The following ZC3H15 variants were observed in gnomAD, a reference collection of about 807,000 sequenced individuals.
ZC3H15 encodes the protein zinc finger CCCH-type containing 15.
In ZC3H15, 15 loss-of-function variants were observed where a neutral mutation model predicts 51.2. The observed-to-expected ratio is 0.29, with a 90% confidence interval of 0.20 to 0.45. The LOEUF (loss-of-function observed/expected upper bound fraction) is 0.45. ZC3H15 is among the 20% of genes least tolerant of loss of function. The probability of loss-of-function intolerance (pLI) is 1.00; values close to 1 mark genes in which losing one functional copy is unlikely to be tolerated. For synonymous variants in ZC3H15, 144 were observed against 162.8 expected, an observed-to-expected ratio of 0.88 and a Z score of 0.88; for missense variants, 381 against 494.7, an observed-to-expected ratio of 0.77 and a Z score of 2.18.
intron 1 of ZC3H15, among the ~76,000 whole-genome samples, chr2:186,491,005 T>C (rs1036855032): frequency 8.5e-5 from 13 of 152,204 alleles, no homozygotes; most frequent in Admixed American, 6.5e-5. Context: ...TTTTCTACCT[T>C]GTAATTCAGG....
At chr2:186,499,485 T>C (rs1685341538) in intron 2 of ZC3H15, 3 of 406,596 alleles carry the variant, frequency 7.4e-6, no homozygotes, top group Non-Finnish European at 9.6e-6. Flanking sequence ...TTCTCAGGTA[T>C]ATGGGCATTC....
At chr2:186,500,595 T>C (rs78584352) in intron 3 of ZC3H15, 31,915 of 526,712 alleles carry the variant, frequency 0.061, 1,269 homozygotes, top group Middle Eastern at 0.083. Context: ...AAAGCCATAG[T>C]TGAATAAACT....
chr2:186,508,792 T>C lies in ZC3H15; in HGVS notation c.*59T>C, dbSNP rs1685508636. On this transcript the variant is annotated 3_prime_UTR_variant, in exon 10 of 10. Coordinates refer to ENST00000337859, the MANE Select transcript of ZC3H15 (RefSeq NM_018471.3). ...TCAGCACGAGTTGAAATTGACTACA[T>C]TAATTTCTTTCCACCTAGAATCAAC... The C allele has an allele frequency of 1.8e-5, 27 of 1,541,482 alleles. No homozygotes were observed. The highest frequency in any genetic ancestry group is 5.3e-5 in the Admixed American group (3 of 56,978).
At chr2:186,507,777 C>T (rs920918298) in intron 9 of ZC3H15, among the ~76,000 whole-genome samples, 1 of 152,204 alleles carries the variant, frequency 6.6e-6, no homozygotes, top group Non-Finnish European at 1.5e-5. Context: ...CTCCCAAGAT[C>T]TGAGAGTGTT....
intron 4 of ZC3H15, 85 bp from the exon 5 acceptor site, chr2:186,502,411 T>C: frequency 3.4e-6 from 4 of 1,169,954 alleles, no homozygotes; most frequent in Non-Finnish European, 3.6e-6. Context: ...ATGAGTCTTA[T>C]AACACAGCAT....
At chr2:186,499,673 C>T (rs561293775) in intron 2 of ZC3H15, 285 of 436,802 alleles carry the variant, frequency 6.5e-4, no homozygotes, top group Middle Eastern at 1.0e-3. Flanking sequence ...GTATGTAAAT[C>T]GTGTGCCTGG....
At chr2:186,507,777 C>A (rs920918298) in intron 9 of ZC3H15, among the ~76,000 whole-genome samples, 1 of 152,204 alleles carries the variant, frequency 6.6e-6, no homozygotes, top group African/African-American at 2.4e-5. Flanking sequence ...CTCCCAAGAT[C>A]TGAGAGTGTT....
At position 186,501,383 on chromosome 2, in the gene ZC3H15, C is replaced by A. The variant is rs760380291; in HGVS notation, c.400C>A (p.Arg134=). ...DLTLERKCEK[R]SVYIDARDEE... is the part of the protein sequence containing the mutation. ...GACTCTGGAGAGAAAATGTGAAAAGCGAAGTGTTTACATTGATGCAAGAGA... is the reference window on the plus strand; with the variant it reads ...GACTCTGGAGAGAAAATGTGAAAAGAGAAGTGTTTACATTGATGCAAGAGA... The change falls in exon 4 of 10, where the codon CGA becomes AGA. Residue 134 remains arginine, a synonymous_variant. Transcript: ENST00000337859. 3.1e-6 allele frequency: 5 copies of A among 1,613,566 alleles called. No individual in the cohort carries two copies. The highest frequency in any genetic ancestry group is 4.2e-6 in the Non-Finnish European group (5 of 1,179,796).
rs771013427 is a variant in ZC3H15 at position 186,501,325 on chromosome 2, T to G, written c.342T>G (p.Thr114=). Residue 114 remains threonine (T), a synonymous_variant, in exon 4 of 10, where the codon ACT becomes ACG. Coordinates refer to ENST00000337859, the MANE Select transcript of ZC3H15 (RefSeq NM_018471.3). The part of the protein sequence containing the change: ...VCAFFKQGQC[T]KGDKCKFSHD... ...CATTCTTCAAGCAAGGACAGTGTACTAAAGGAGATAAGTGTAAGTTCTCCC... is the reference window on the plus strand; with the variant it reads ...CATTCTTCAAGCAAGGACAGTGTACGAAAGGAGATAAGTGTAAGTTCTCCC... 2 of 1,613,866 alleles carry G rather than the reference T, an allele frequency of 1.2e-6. No homozygotes were observed. Among genetic ancestry groups the G allele is most frequent in the Admixed American group, 3.3e-5 (2 of 60,002 alleles).
intron 1 of ZC3H15, among the ~76,000 whole-genome samples, chr2:186,490,212 T>G (rs771097130): frequency 1.3e-5 from 2 of 152,242 alleles, no homozygotes; most frequent in African/African-American, 2.4e-5. Flanking sequence ...TGTTAGAAAT[T>G]AACACATTAG....
chr2:186,500,192 G>C lies in ZC3H15; in HGVS notation c.188G>C (p.Ser63Thr). The change falls in exon 3 of 10, where the codon AGT (serine) becomes ACT (threonine). Residue 63 changes from serine (S) to threonine (T), a missense_variant. By Grantham distance (58) the Ser-to-Thr change is moderately conservative. Coordinates refer to ENST00000337859, the MANE Select transcript of ZC3H15 (RefSeq NM_018471.3). ...CTGGGAATATTATAGGTAGCACAGA[G>C]TGAAGCTGAAAAGAAATTGAAGAAG... is the stretch of plus-strand genomic sequence containing the variant. ...GQQNPRQVAQ[S>T]EAEKKLKKDD... 1 of 1,612,918 alleles carries C rather than the reference G, an allele frequency of 6.2e-7. No individual in the cohort carries two copies.
chr2:186,489,635 A>G (rs1406986581), intron 1 of ZC3H15, among the ~76,000 whole-genome samples: 1 of 152,214 alleles, frequency 6.6e-6, no homozygotes, highest in Non-Finnish European at 1.5e-5. Flanking sequence ...CTTGAAAATA[A>G]TGGTTGTCCT....
chr2:186,498,040 T>A (rs1685311642), intron 2 of ZC3H15, among the ~76,000 whole-genome samples: 2 of 152,114 alleles, frequency 1.3e-5, no homozygotes. Flanking sequence ...TTTTGCAACA[T>A]CTCTTCCTAC....
intron 2 of ZC3H15, among the ~76,000 whole-genome samples, chr2:186,495,552 G>A (rs1381686028): frequency 2.0e-5 from 3 of 152,056 alleles, no homozygotes; most frequent in Non-Finnish European, 4.4e-5. Context: ...ATTGCATGCC[G>A]TTCTACAGTA....
At chr2:186,500,314 G>T (rs995433444) in intron 3 of ZC3H15, 21 bp downstream of exon 3, 5 of 1,563,386 alleles carry the variant, frequency 3.2e-6, no homozygotes, top group South Asian at 1.2e-5. Context: ...AATTTCAGAA[G>T]TGTGATTTTT....
chr2:186,498,354 G>A (rs1371570158), intron 2 of ZC3H15, among the ~76,000 whole-genome samples: 3 of 148,474 alleles, frequency 2.0e-5, no homozygotes, highest in Admixed American at 1.3e-4. Flanking sequence ...GTCCTTCCAG[G>A]TCATAAGGTA....
intron 1 of ZC3H15, among the ~76,000 whole-genome samples, chr2:186,494,088 C>T (rs989818059): frequency 3.3e-5 from 5 of 151,052 alleles, no homozygotes; most frequent in South Asian, 2.1e-4. Context: ...ATGTTTTTCT[C>T]CCCCCAACCC....
At chr2:186,503,418 C>T (rs759352312) in intron 5 of ZC3H15, among the ~76,000 whole-genome samples, 1 of 152,030 alleles carries the variant, frequency 6.6e-6, no homozygotes, top group Non-Finnish European at 1.5e-5. Flanking sequence ...CTCTTGTTGC[C>T]CAAGCTGGAG....
At chr2:186,495,642 A>G (rs556976588) in intron 2 of ZC3H15, among the ~76,000 whole-genome samples, 4 of 152,342 alleles carry the variant, frequency 2.6e-5, no homozygotes, top group South Asian at 2.1e-4. Context: ...GACCACCTGT[A>G]GAAATACAGG....
Sources: gnomAD v4.1 joint callset for allele counts (sites outside exome capture counted in the v4.1 genomes callset) on GRCh38, gnomAD v4.1.1 for gene constraint, MANE v1.5 for transcripts, NCBI Gene and HGNC (gene_info 2026-07-23, HGNC 2026-07-21) for gene names.